PTGER4: variants seen among roughly 807,000 people sequenced by gnomAD.
PTGER4 encodes prostaglandin E receptor 4.
In PTGER4, 11 loss-of-function variants were observed where a neutral mutation model predicts 33.2. The ratio of observed to expected loss-of-function variants is 0.33; its 90% CI spans 0.21 to 0.55. The LOEUF (loss-of-function observed/expected upper bound fraction) is 0.55. Ranked by LOEUF, PTGER4 falls within the 20% of genes least tolerant of loss-of-function variation. The pLI is 0.92. For synonymous variants in PTGER4, 275 were observed against 281.5 expected, an observed-to-expected ratio of 0.98 and a Z score of 0.23; for missense variants, 481 against 650.2, an observed-to-expected ratio of 0.74 and a Z score of 2.83.
At chr5:40,702,515 C>G in the PTGER4 span, among the ~76,000 whole-genome samples, 20 of 152,296 alleles carry the variant, frequency 1.3e-4, no homozygotes, top group South Asian at 4.1e-3. Flanking sequence ...ATTCATAAAG[C>G]AAGTTCTTAG....
At chr5:40,716,165 C>G in the PTGER4 span, 3 of 1,606,584 alleles carry the variant, frequency 1.9e-6, no homozygotes, top group African/African-American at 4.0e-5. Context: ...TTGATAAAAA[C>G]AGAGCCATCT....
the PTGER4 span, among the ~76,000 whole-genome samples, chr5:40,732,118 T>TCC: frequency 1.6e-4 from 25 of 152,182 alleles, no homozygotes; most frequent in Non-Finnish European, 2.6e-4. Flanking sequence ...CTCAAGGGCC[T>TCC]CCCACCTCAG....
downstream of PTGER4, among the ~76,000 whole-genome samples, chr5:40,697,234 GAAAGAAAGAAAGAAAGAAAGAAAGAA>G (rs1158166644): frequency 0.016 from 1,143 of 73,636 alleles, 13 homozygotes; most frequent in South Asian, 0.02. Flanking sequence ...AGAAAAGAAA[GAAAGAAAGAAAGAAAGAAAGAAAGAA>G]AGAAAGAAAG....
chr5:40,718,187 C>T, the PTGER4 span, among the ~76,000 whole-genome samples: 6 of 151,376 alleles, frequency 4.0e-5, no homozygotes, highest in East Asian at 3.9e-4. Flanking sequence ...GAGGCCGAGG[C>T]GAAAGCATGG....
In PTGER4 at chr5:40,680,731, G is replaced by A. The variant is rs570344919; in HGVS notation, c.-43-220G>A. Among the ~76,000 whole-genome samples, 56 of 152,332 alleles carry A rather than the reference G, an allele frequency of 3.7e-4. No homozygotes were observed. In the South Asian group the frequency reaches 6.8e-3, roughly 19 times the overall value. On this transcript the variant is annotated intron_variant, in intron 1 of 2. Transcript: ENST00000302472. The surrounding 1 kb of genome is among the most constrained non-coding windows in gnomAD (Gnocchi z 5.5). ...GGGAGGAAGAGGAATGGGAAAATCA[G>A]TTTATAAATATTAATGTCAGCAAGA...
At position 40,683,155 on chromosome 5, in the gene PTGER4, A is replaced by G. The variant is rs1275159065; in HGVS notation, c.867+1295A>G. The stretch of plus-strand genomic sequence containing the variant: ...CTGCTTTTTCTTATGCTTGTTGGGA[A>G]CAAGAGAATATAAAATGTAATGGGC... On this transcript the variant is annotated intron_variant, in intron 2 of 2. Coordinates refer to ENST00000302472, the MANE Select transcript of PTGER4 (RefSeq NM_000958.3). This position sits in a 1 kb window ranked among gnomAD's most constrained non-coding sequence, Gnocchi z 4.2. 6.6e-6 allele frequency among the ~76,000 whole-genome samples: 1 copy of G among 152,220 alleles called. No individual in the cohort carries two copies. Among genetic ancestry groups the G allele is most frequent in the Non-Finnish European group, 1.5e-5 (1 of 68,028 alleles).
At chr5:40,700,749 A>T in the PTGER4 span, among the ~76,000 whole-genome samples, 1 of 136,880 alleles carries the variant, frequency 7.3e-6, no homozygotes. Context: ...GTTGTGAATT[A>T]CAGCCAGCAC....
the PTGER4 span, among the ~76,000 whole-genome samples, chr5:40,727,689 C>T: frequency 6.6e-6 from 1 of 152,172 alleles, no homozygotes; most frequent in Non-Finnish European, 1.5e-5. Flanking sequence ...ACTAATACCA[C>T]TTTATAATGT....
the PTGER4 span, among the ~76,000 whole-genome samples, chr5:40,745,357 T>C: frequency 7.8e-3 from 1,183 of 152,160 alleles, 11 homozygotes; most frequent in African/African-American, 0.026. Flanking sequence ...TAGGAGTAGG[T>C]GTCATAATGT....
At chr5:40,723,575 A>C in the PTGER4 span, among the ~76,000 whole-genome samples, 1 of 152,128 alleles carries the variant, frequency 6.6e-6, no homozygotes, top group Non-Finnish European at 1.5e-5. Flanking sequence ...CACACACACA[A>C]AAAAGGTGGC....
chr5:40,733,913 C>A, the PTGER4 span, among the ~76,000 whole-genome samples: 9 of 152,308 alleles, frequency 5.9e-5, no homozygotes, highest in South Asian at 1.5e-3. Flanking sequence ...GACATACACA[C>A]ACACACGTGT....
chr5:40,741,849 C>G, the PTGER4 span, among the ~76,000 whole-genome samples: 2 of 152,002 alleles, frequency 1.3e-5, no homozygotes, highest in South Asian at 2.1e-4. Flanking sequence ...ATTAGCCAGG[C>G]GTGGTGGCAC....
chr5:40,726,607 A>G, the PTGER4 span, among the ~76,000 whole-genome samples: 6 of 42,234 alleles, frequency 1.4e-4, no homozygotes, highest in East Asian at 2.9e-3. Context: ...GAATAGAGCC[A>G]TATCAACAGA....
At chr5:40,725,378 A>C in the PTGER4 span, among the ~76,000 whole-genome samples, 1 of 152,220 alleles carries the variant, frequency 6.6e-6, no homozygotes, top group Non-Finnish European at 1.5e-5. Context: ...CAAAAGCGAA[A>C]CAATAAAAAG....
chr5:40,735,027 T>G, the PTGER4 span, among the ~76,000 whole-genome samples: 1 of 151,930 alleles, frequency 6.6e-6, no homozygotes, highest in Non-Finnish European at 1.5e-5. Flanking sequence ...CTGGAGAAGG[T>G]CCATTCCAGG....
chr5:40,694,093 C>T (rs1296791244), downstream of PTGER4, among the ~76,000 whole-genome samples: 1 of 152,000 alleles, frequency 6.6e-6, no homozygotes, highest in African/African-American at 2.4e-5. Flanking sequence ...CTCTGTCACC[C>T]AGACTAGAGT....
At chr5:40,726,145 A>T in the PTGER4 span, among the ~76,000 whole-genome samples, 98,867 of 149,158 alleles carry the variant, frequency 0.66, 32,848 homozygotes, top group East Asian at 0.77. Flanking sequence ...AAAGTCTTTT[A>T]TATATATATA....
chr5:40,728,397 T>A, the PTGER4 span: 1 of 1,606,868 alleles, frequency 6.2e-7, no homozygotes, highest in South Asian at 1.1e-5. Context: ...CTGCCAAGAC[T>A]CCCATGAATG....
chr5:40,704,684 C>A, the PTGER4 span, among the ~76,000 whole-genome samples: 1 of 152,142 alleles, frequency 6.6e-6, no homozygotes, highest in South Asian at 2.1e-4. Flanking sequence ...ACACCAACAA[C>A]AACCAAACTG....
Sources: gnomAD v4.1 joint callset for allele counts (sites outside exome capture counted in the v4.1 genomes callset) on GRCh38, gnomAD v4.1.1 for gene constraint, Gnocchi (gnomAD v3.1) non-coding constraint, MANE v1.5 for transcripts, NCBI Gene and HGNC (gene_info 2026-07-23, HGNC 2026-07-21) for gene names.